OSBPL10: variants seen among roughly 807,000 people sequenced by gnomAD.
The protein encoded by OSBPL10 is oxysterol-binding protein-related protein 10.
Under a neutral mutation model 81.7 loss-of-function variants are expected in OSBPL10, and 49 were observed. The ratio of observed to expected loss-of-function variants is 0.60; its 90% CI spans 0.48 to 0.76. The LOEUF (loss-of-function observed/expected upper bound fraction) is 0.76, where lower values mean the gene tolerates loss of function less well. OSBPL10 is among the 30% of genes least tolerant of loss of function. The pLI, the probability that OSBPL10 is intolerant of heterozygous loss-of-function variation, is 0.00. For synonymous variants in OSBPL10, 419 were observed against 383.6 expected (o/e 1.09, Z -1.08); for missense variants, 923 against 987.8 (o/e 0.93, Z 0.88).
intron 4 of OSBPL10, among the ~76,000 whole-genome samples, chr3:31,753,005 G>C (rs1697766748): frequency 1.3e-5 from 2 of 152,152 alleles, no homozygotes; most frequent in South Asian, 4.2e-4. Context: ...CTTGGAAGGA[G>C]ACCATACAAT....
At chr3:31,938,018 C>A (rs1444283773) in intron 1 of OSBPL10, among the ~76,000 whole-genome samples, 1 of 152,092 alleles carries the variant, frequency 6.6e-6, no homozygotes, top group African/African-American at 2.4e-5. Context: ...AAAGACCTAG[C>A]GTGGCTTTCC....
intron 3 of OSBPL10, among the ~76,000 whole-genome samples, chr3:31,861,671 G>C (rs973907780): frequency 2.6e-5 from 4 of 152,130 alleles, no homozygotes; most frequent in African/African-American, 9.7e-5. Context: ...GTTTGCACTG[G>C]TTATCTATTA....
At chr3:31,707,006 T>C (rs1696091391) in intron 6 of OSBPL10, among the ~76,000 whole-genome samples, 1 of 144,734 alleles carries the variant, frequency 6.9e-6, no homozygotes, top group Non-Finnish European at 1.5e-5. Context: ...AGACCTGGCC[T>C]TCAGGTAGCT....
Position 31,981,233 on chromosome 3 carries a change from G to GCA in OSBPL10, c.-55_-54insTG. The GCA allele has an allele frequency of 7.5e-7, 1 of 1,339,032 alleles. No individual in the cohort carries two copies. Among genetic ancestry groups the GCA allele is most frequent in the Non-Finnish European group, 9.5e-7 (1 of 1,053,760 alleles). The allele number at this position is 1,339,032 out of a possible 1,614,324, so 82.9% of individuals were successfully genotyped here. On this transcript the variant is annotated 5_prime_UTR_variant, in exon 1 of 12. Transcript: ENST00000396556. The surrounding 1 kb of genome is among the most constrained non-coding windows in gnomAD (Gnocchi z 4.5). ...CCGCCGCGGTGGCGGCCCCGGCACG[G>GCA]CGGCTGCTGCTGCTGCTACAGCTCC... is the stretch of plus-strand genomic sequence containing the variant.
Position 31,830,098 on chromosome 3 carries a change from G to A in OSBPL10, c.671C>T (p.Pro224Leu). Residue 224 changes from proline (P) to leucine (L), a missense_variant, in exon 4 of 12, where the codon CCT becomes CTT. Physicochemically the swap from Pro to Leu is moderately conservative, Grantham distance 98. Coordinates refer to ENST00000396556, the MANE Select transcript of OSBPL10 (RefSeq NM_017784.5). ...ACTCTTGGCTCTTCGGGCGGCTGCA[G>A]GCGACTTGTGATGCGTGATTGTGAC... ...GVVTITHHKS[P>L]AAARRAKSQY... 6.2e-7 allele frequency: 1 copy of A among 1,614,096 alleles called. No individual in the cohort carries two copies. Among genetic ancestry groups the A allele is most frequent in the Non-Finnish European group, 8.5e-7 (1 of 1,180,022 alleles).
chr3:31,721,216 C>T (rs1348662269), intron 6 of OSBPL10, among the ~76,000 whole-genome samples: 1 of 152,194 alleles, frequency 6.6e-6, no homozygotes, highest in African/African-American at 2.4e-5. Context: ...AGATTCTACC[C>T]TAGAGCGTTC....
chr3:31,980,796 A>T, intron 1 of OSBPL10, 103 bp downstream of exon 1: 1 of 1,336,020 alleles, frequency 7.5e-7, no homozygotes, highest in Non-Finnish European at 9.7e-7. Context: ...TGAAGGCACA[A>T]TCGCGCGCGC....
intron 6 of OSBPL10, among the ~76,000 whole-genome samples, chr3:31,715,155 C>T (rs1696393565): frequency 1.3e-5 from 2 of 152,108 alleles, no homozygotes; most frequent in African/African-American, 4.8e-5. Context: ...TAGACTTGTG[C>T]TATCTAATCC....
chr3:31,990,436 C>A lies in OSBPL10; in HGVS notation n.298+56055G>T, dbSNP rs149428385. 36 of 1,567,772 alleles carry A rather than the reference C, an allele frequency of 2.3e-5. No homozygotes were observed. The East Asian group carries it at 9.5e-4, about 41-fold the overall frequency. On this transcript the variant is annotated intron_variant and non_coding_transcript_variant, in intron 2 of 3. Transcript: ENST00000479173. The stretch of plus-strand genomic sequence containing the variant: ...TTGGCGAACTCATACTGGAGAGAAA[C>A]CTTACAAGTGTAATGAGTGTGGCAA...
chr3:31,673,358 T>A (rs771627698), intron 8 of OSBPL10, among the ~76,000 whole-genome samples: 3 of 152,158 alleles, frequency 2.0e-5, no homozygotes, highest in Non-Finnish European at 4.4e-5. Context: ...AGGTAGAAAA[T>A]TGCAGCCAAT....
intron 3 of OSBPL10, among the ~76,000 whole-genome samples, chr3:31,875,253 G>C (rs1701422912): frequency 6.6e-6 from 1 of 152,060 alleles, no homozygotes; most frequent in Non-Finnish European, 1.5e-5. Flanking sequence ...TGAGCACATA[G>C]GGCAATAGGT....
chr3:31,786,241 G>A (rs1200719584), intron 4 of OSBPL10, among the ~76,000 whole-genome samples: 2 of 152,152 alleles, frequency 1.3e-5, no homozygotes, highest in Non-Finnish European at 2.9e-5. Flanking sequence ...TTGCCCCCAG[G>A]TTGACTTTGC....
intron 4 of OSBPL10, among the ~76,000 whole-genome samples, chr3:31,824,549 C>T (rs954032684): frequency 6.6e-6 from 1 of 152,120 alleles, no homozygotes; most frequent in African/African-American, 2.4e-5. Context: ...TTGATATGTA[C>T]AGTTTGATAT....
chr3:32,000,348 A>G (rs1699133246), intron 2 of OSBPL10, among the ~76,000 whole-genome samples: 1 of 152,106 alleles, frequency 6.6e-6, no homozygotes, highest in Non-Finnish European at 1.5e-5. Flanking sequence ...TCCATTCCAA[A>G]TAGTGTTTAG....
intron 4 of OSBPL10, among the ~76,000 whole-genome samples, chr3:31,813,923 G>T (rs1257507999): frequency 1.3e-5 from 2 of 152,208 alleles, no homozygotes; most frequent in Non-Finnish European, 2.9e-5. Context: ...CTGTCCACGT[G>T]AAGAACCACA....
chr3:31,934,176 T>A (rs1295958603), intron 1 of OSBPL10, among the ~76,000 whole-genome samples: 1 of 150,454 alleles, frequency 6.6e-6, no homozygotes, highest in African/African-American at 2.5e-5. Flanking sequence ...TTGTTGTTTT[T>A]ACAAAAAAGG....
chr3:31,769,057 C>A (rs934126022), intron 4 of OSBPL10, among the ~76,000 whole-genome samples: 1 of 151,966 alleles, frequency 6.6e-6, no homozygotes, highest in Non-Finnish European at 1.5e-5. Context: ...GTGCCAAGCC[C>A]CATGGAAAAT....
At chr3:31,960,441 TAA>T (rs1390289934) in intron 1 of OSBPL10, 1 of 152,244 alleles carries the variant, frequency 6.6e-6, no homozygotes, top group African/African-American at 2.4e-5. Context: ...ATTAGGATTA[TAA>T]ACAGACTGTG....
chr3:31,669,908 T>A (rs1575463930), intron 9 of OSBPL10, among the ~76,000 whole-genome samples: 1 of 152,184 alleles, frequency 6.6e-6, no homozygotes, highest in South Asian at 2.1e-4. Flanking sequence ...CACAGGCAGG[T>A]ATGAGGCATC....
Sources: allele counts gnomAD v4.1 joint callset (sites outside exome capture counted in the v4.1 genomes callset), GRCh38; gene constraint gnomAD v4.1.1; non-coding constraint Gnocchi (gnomAD v3.1); transcripts MANE v1.5; gene names NCBI Gene and HGNC (gene_info 2026-07-23, HGNC 2026-07-21).